STRBP: variants seen among roughly 807,000 people sequenced by gnomAD.
The protein encoded by STRBP is spermatid perinuclear RNA-binding protein.
A neutral mutation model predicts 80.1 loss-of-function variants in STRBP; 13 were observed. The ratio of observed to expected loss-of-function variants is 0.16; its 90% CI spans 0.11 to 0.26. The LOEUF is 0.26. Among genes scored for constraint, STRBP ranks in the 10% least tolerant of loss-of-function variants. The pLI is 1.00. For synonymous variants in STRBP, 284 were observed against 291.2 expected, an observed-to-expected ratio of 0.98 and a Z score of 0.25; for missense variants, 485 against 815.2, an observed-to-expected ratio of 0.59 and a Z score of 4.93.
At chr9:123,185,643 A>G (rs1015775982) in intron 2 of STRBP, among the ~76,000 whole-genome samples, 3 of 152,140 alleles carry the variant, frequency 2.0e-5, no homozygotes, top group African/African-American at 7.2e-5. Flanking sequence ...ATACCTTACT[A>G]TATAACCAAA....
At chr9:123,119,089 C>G, downstream of STRBP, among the ~76,000 whole-genome samples, 1 of 152,116 alleles carries the variant, frequency 6.6e-6, no homozygotes, top group Admixed American at 6.6e-5. Context: ...ATTTTTCCCC[C>G]CAAAAGTATC....
chr9:123,259,128 T>C (rs552294021), intron 1 of STRBP, among the ~76,000 whole-genome samples: 1 of 150,862 alleles, frequency 6.6e-6, no homozygotes, highest in South Asian at 2.1e-4. Flanking sequence ...CTTATGCCAG[T>C]GCAAGTGATG....
At chr9:123,128,066 G>A (rs771856319) in intron 18 of STRBP, 148 bp downstream of exon 18, 16 of 955,098 alleles carry the variant, frequency 1.7e-5, no homozygotes, top group Non-Finnish European at 2.2e-5. Flanking sequence ...ACAAGGTTGT[G>A]GCATTTTCAA....
downstream of STRBP, among the ~76,000 whole-genome samples, chr9:123,119,819 G>A (rs2035701943): frequency 6.6e-6 from 1 of 152,206 alleles, no homozygotes; most frequent in Non-Finnish European, 1.5e-5. Flanking sequence ...ATGGGAATGT[G>A]CTGGAAGGAG....
chr9:123,254,321 C>T (rs1281180136), intron 1 of STRBP, among the ~76,000 whole-genome samples: 1 of 151,940 alleles, frequency 6.6e-6, no homozygotes, highest in African/African-American at 2.4e-5. Flanking sequence ...CTTAGCCGGG[C>T]GTGGTGGCGG....
intron 4 of STRBP, among the ~76,000 whole-genome samples, chr9:123,175,398 AAT>A (rs2038178245): frequency 6.6e-6 from 1 of 152,220 alleles, no homozygotes; most frequent in African/African-American, 2.4e-5. Context: ...CAGAGTTGAG[AAT>A]AAAATGGAAA....
At chr9:123,213,065 T>A (rs1341631684) in intron 2 of STRBP, among the ~76,000 whole-genome samples, 1 of 152,222 alleles carries the variant, frequency 6.6e-6, no homozygotes, top group Admixed American at 6.5e-5. Flanking sequence ...CCTGGCTCTG[T>A]AAATTCTGTT....
intron 2 of STRBP, among the ~76,000 whole-genome samples, chr9:123,185,382 C>A (rs1311980603): frequency 1.3e-5 from 2 of 152,100 alleles, no homozygotes; most frequent in Non-Finnish European, 2.9e-5. Context: ...GACTGGGCAA[C>A]AGAGCGATAC....
rs71390421 is a variant in STRBP, at chr9:123,235,584, C to CAAAAAA, written c.-165+1240_-165+1245dup. Among the ~76,000 whole-genome samples the CAAAAAA allele has an allele frequency of 4.4e-4, 16 of 36,530 alleles. 1 individual carries two copies. Among genetic ancestry groups the CAAAAAA allele is most frequent in the Non-Finnish European group, 7.1e-4 (12 of 16,984 alleles). The allele number at this position is 36,530 out of a possible 152,430, so 24.0% of individuals were successfully genotyped here. A position where few individuals can be genotyped will look rare whatever the true frequency, so the allele number is the denominator to read the frequency against. Reference sequence around the variant, plus strand: ...AATCTGGATGAAGAGACAAGTTCAGCAAAAAAAAAAAAAAAAAAAAAAAAA... The same window carrying CAAAAAA: ...AATCTGGATGAAGAGACAAGTTCAGCAAAAAAAAAAAAAAAAAAAAAAAAAAAAAAA... On this transcript the variant is annotated intron_variant, in intron 2 of 18. Transcript: ENST00000348403.
Position 123,169,978 on chromosome 9 carries a change from T to C in STRBP, c.459A>G (p.Thr153=). The change falls in exon 6 of 19, where the codon ACA becomes ACG. Residue 153 remains threonine (T), a synonymous_variant. Transcript: ENST00000348403. ...CCTTCAAAGTTAGCGTGGGCTCTTT[T>C]GTATTCCGAATTATAATAGATGCCT... ...VNEASIIIRN[T]KEPTLTLKVI... The C allele has an allele frequency of 2.5e-6, 4 of 1,610,026 alleles. No homozygotes were observed. The highest frequency in any genetic ancestry group is 3.4e-6 in the Non-Finnish European group (4 of 1,178,686).
At chr9:123,116,195 T>C in intron 2 of STRBP, 1 of 431,378 alleles carries the variant, frequency 2.3e-6, no homozygotes, top group Non-Finnish European at 4.7e-6. Flanking sequence ...CTCTGGAAAA[T>C]GTGTTACTGT....
intron 2 of STRBP, among the ~76,000 whole-genome samples, chr9:123,186,685 T>G (rs2038710514): frequency 6.6e-6 from 1 of 152,178 alleles, no homozygotes; most frequent in Admixed American, 6.5e-5. Context: ...AGACATGGTC[T>G]GAAACCTAAA....
intron 17 of STRBP, among the ~76,000 whole-genome samples, chr9:123,129,010 C>T (rs1365929766): frequency 6.6e-6 from 1 of 152,144 alleles, no homozygotes; most frequent in Non-Finnish European, 1.5e-5. Context: ...ACAGAAGCTG[C>T]AATCTTTTTA....
chr9:123,170,026 A>G lies in STRBP; in HGVS notation c.411T>C (p.Tyr137=), dbSNP rs2037941288. The change falls in exon 6 of 19, where the codon TAT becomes TAC. Residue 137 remains tyrosine (Y), a synonymous_variant. Coordinates refer to ENST00000348403, the MANE Select transcript of STRBP (RefSeq NM_018387.5). ...CCTCATTTACACATTGTTCCACTTG[A>G]TATTTCTCTTCTGTGAGTTTCTGAA... ...IQIQKLTEEK[Y]QVEQCVNEAS... 2 of 1,607,830 alleles carry G rather than the reference A, an allele frequency of 1.2e-6. No homozygotes were observed.
At chr9:123,239,939 A>G (rs1014535357) in intron 1 of STRBP, among the ~76,000 whole-genome samples, 7 of 152,218 alleles carry the variant, frequency 4.6e-5, no homozygotes, top group Non-Finnish European at 1.0e-4. Flanking sequence ...ATACAGGCTC[A>G]AAGAAGTCAA....
chr9:123,123,711 A>G lies in STRBP; in HGVS notation c.*1886T>C, dbSNP rs549109747. 4.1e-6 allele frequency: 4 copies of G among 985,410 alleles called. No homozygotes were observed. The African/African-American group carries it at 7.0e-5, about 17-fold the overall frequency. The allele number at this position is 985,410 out of a possible 1,614,324, so 61.0% of individuals were successfully genotyped here. A position where few individuals can be genotyped will look rare whatever the true frequency, so the allele number is the denominator to read the frequency against. The stretch of plus-strand genomic sequence containing the variant: ...GATTCCAACGTGGAATCCAAATTTG[A>G]TGACCAATTTCAAATAACAATACAG... On this transcript the variant is annotated 3_prime_UTR_variant, in exon 19 of 19. Coordinates refer to ENST00000348403, the MANE Select transcript of STRBP (RefSeq NM_018387.5).
At chr9:123,257,413 C>T (rs1313316277) in intron 1 of STRBP, among the ~76,000 whole-genome samples, 2 of 151,624 alleles carry the variant, frequency 1.3e-5, no homozygotes, top group Non-Finnish European at 2.9e-5. Flanking sequence ...TTTTAAAACA[C>T]ACAAACACAC....
chr9:123,113,428 CCCGACT>C (rs2132275257), intron 3 of STRBP: 2 of 167,416 alleles, frequency 1.2e-5, no homozygotes, highest in South Asian at 4.1e-4. Context: ...CTCGTCTAAA[CCCGACT>C]CCGGAGCTGC....
chr9:123,138,920 C>G (rs2036472591), intron 14 of STRBP, among the ~76,000 whole-genome samples: 1 of 152,180 alleles, frequency 6.6e-6, no homozygotes, highest in African/African-American at 2.4e-5. Flanking sequence ...ATGTTCTTTA[C>G]ATAGAATGCA....
Sources: gnomAD v4.1 joint callset for allele counts (sites outside exome capture counted in the v4.1 genomes callset) on GRCh38, gnomAD v4.1.1 for gene constraint, MANE v1.5 for transcripts, NCBI Gene and HGNC (gene_info 2026-07-23, HGNC 2026-07-21) for gene names.